Variants in PDCD7 observed in about 807,000 individuals in gnomAD.
The protein encoded by PDCD7 is programmed cell death protein 7.
Under a neutral mutation model 42.1 loss-of-function variants are expected in PDCD7, and 40 were observed. The ratio of observed to expected loss-of-function variants is 0.95; its 90% CI spans 0.74 to 1.24. The LOEUF (loss-of-function observed/expected upper bound fraction) is 1.24. PDCD7 is among the 50% of genes most tolerant of loss of function. The probability of loss-of-function intolerance (pLI) is 0.00; values close to 1 mark genes in which losing one functional copy is unlikely to be tolerated. For missense variants in PDCD7, 644 were observed against 662.8 expected (o/e 0.97, Z 0.31); for synonymous variants, 299 against 303.3 (o/e 0.99, Z 0.15).
chr15:65,125,721 T>C (rs1375691227), intron 2 of PDCD7, among the ~76,000 whole-genome samples: 1 of 152,214 alleles, frequency 6.6e-6, no homozygotes, highest in African/African-American at 2.4e-5. Context: ...GTACTATCAT[T>C]ACTCCCTTTT....
intron 1 of PDCD7, among the ~76,000 whole-genome samples, chr15:65,130,361 T>C (rs1461081466): frequency 6.6e-6 from 1 of 152,032 alleles, no homozygotes; most frequent in Non-Finnish European, 1.5e-5. Context: ...TTTCACCACG[T>C]TGGCCAGGCT....
chr15:65,133,351 C>G lies in PDCD7; in HGVS notation c.431G>C (p.Arg144Pro). The change falls in exon 1 of 5, where the codon CGG becomes CCG. Residue 144 changes from arginine to proline, a missense_variant. Transcript: ENST00000204549. ...CCCGAACACCGCCTCCAGCCACTGCCGGTCGCGCAGGCGTTGGAGGGCCGC... is the reference window on the plus strand; with the variant it reads ...CCCGAACACCGCCTCCAGCCACTGCGGGTCGCGCAGGCGTTGGAGGGCCGC... ...GDAALQRLRD[R>P]QWLEAVFGTP... 8.0e-7 allele frequency: 1 copy of G among 1,246,950 alleles called. No individual in the cohort carries two copies. The highest frequency in any genetic ancestry group is 1.0e-6 in the Non-Finnish European group (1 of 997,118). The allele number at this position is 1,246,950 out of a possible 1,614,324, so 77.2% of individuals were successfully genotyped here.
chr15:65,133,474 G>T lies in PDCD7; in HGVS notation c.308C>A (p.Ala103Asp), dbSNP rs183525259. The change falls in exon 1 of 5, where the codon GCC (alanine) becomes GAC (aspartate). Residue 103 changes from alanine (A) to aspartate (D), a missense_variant. By Grantham distance (126) the Ala-to-Asp change is moderately radical (BLOSUM62 -2). Transcript: ENST00000204549. ...AGGCGGTGGCCGCGGCCGCTCGCCGGCGTCGGTCCCCGGGAAGGGCCGACA... is the reference window on the plus strand; with the variant it reads ...AGGCGGTGGCCGCGGCCGCTCGCCGTCGTCGGTCCCCGGGAAGGGCCGACA... ...PQCRPFPGTD[A>D]GERPRPPPPG... is the part of the protein sequence containing the mutation. The T allele has an allele frequency of 7.6e-4, 929 of 1,218,042 alleles. 12 individuals carry two copies. In the African/African-American group the frequency reaches 0.013, roughly 17 times the overall value. The allele number at this position is 1,218,042 out of a possible 1,614,324, so 75.5% of individuals were successfully genotyped here.
chr15:65,123,269 C>A (rs934858874), intron 2 of PDCD7, among the ~76,000 whole-genome samples: 5 of 152,208 alleles, frequency 3.3e-5, no homozygotes, highest in Non-Finnish European at 7.3e-5. Flanking sequence ...CTCACTGTAA[C>A]CTCTGATTCC....
rs1280334443 is a variant in PDCD7 at position 65,133,035 on chromosome 15, A to G, written c.747T>C (p.Leu249=). The change falls in exon 1 of 5, where the codon CTT becomes CTC. Residue 249 remains leucine, a synonymous_variant. Coordinates refer to ENST00000204549, the MANE Select transcript of PDCD7 (RefSeq NM_005707.2). ...CCTCGCGTTCCCGGGCCCTCTCGCG[A>G]AGCCGCAGCCGGCGGCGCCGGACCC... The part of the protein sequence containing the change: ...LERVRRRRLR[L]RERAREREAE... 2 of 1,596,106 alleles carry G rather than the reference A, an allele frequency of 1.3e-6. No individual in the cohort carries two copies. The highest frequency in any genetic ancestry group is 4.5e-5 in the East Asian group (2 of 44,682).
chr15:65,129,573 G>A lies in PDCD7; in HGVS notation c.871-403C>T, dbSNP rs750912061. Among the ~76,000 whole-genome samples the A allele has an allele frequency of 3.1e-4, 47 of 152,208 alleles. 1 individual carries two copies. The highest frequency in any genetic ancestry group is 1.9e-4 in the East Asian group (1 of 5,200). ...TAAGGAATGTGGCTGGAAAGGCTGA[G>A]ACCTCTACAAAGGTCTCTTAGTGAC... On this transcript the variant is annotated intron_variant, in intron 1 of 4. Transcript: ENST00000204549.
Position 65,133,792 on chromosome 15 carries a change from G to C in PDCD7, c.-11C>G, listed in dbSNP as rs757933611. 2.4e-4 allele frequency: 320 copies of C among 1,361,156 alleles called. No individual in the cohort carries two copies. Among genetic ancestry groups the C allele is most frequent in the Non-Finnish European group, 2.9e-4 (307 of 1,055,954 alleles). 84.3% of individuals were successfully genotyped at this position (1,361,156 alleles called of 1,614,324 possible). ...TGGTGGCAGGGCCATGTTCACGACG[G>C]AGATGCTTTGAGAAGTGACAGGAAT... On this transcript the variant is annotated 5_prime_UTR_variant, in exon 1 of 5. Coordinates refer to ENST00000204549, the MANE Select transcript of PDCD7 (RefSeq NM_005707.2).
Position 65,124,101 on chromosome 15 carries a change from T to A in PDCD7, c.1010-4147A>T, listed in dbSNP as rs375275417. ...TCTCGGCCCCTCACTGATCACTCCC[T>A]GGTCAATGTAACATATTCCCTCAGA... is the stretch of plus-strand genomic sequence containing the variant. On this transcript the variant is annotated intron_variant, in intron 2 of 4. Coordinates refer to ENST00000204549, the MANE Select transcript of PDCD7 (RefSeq NM_005707.2). 1.7e-3 allele frequency among the ~76,000 whole-genome samples: 255 copies of A among 152,182 alleles called. 8 individuals carry two copies. In the South Asian group the frequency reaches 0.051, roughly 30 times the overall value.
intron 2 of PDCD7, 25 bp from the exon 3 acceptor site, chr15:65,119,979 T>C (rs373625024): frequency 2.5e-6 from 4 of 1,585,606 alleles, no homozygotes; most frequent in Non-Finnish European, 3.4e-6. Flanking sequence ...CAAAATGGCA[T>C]TTTATTTATT....
intron 2 of PDCD7, among the ~76,000 whole-genome samples, chr15:65,122,994 C>T (rs911774935): frequency 2.6e-4 from 39 of 150,420 alleles, no homozygotes; most frequent in African/African-American, 9.3e-4. Flanking sequence ...AAGAGTGAAA[C>T]TCTGTCTCAA....
At chr15:65,131,997 T>C (rs1343769151) in intron 1 of PDCD7, among the ~76,000 whole-genome samples, 2 of 151,674 alleles carry the variant, frequency 1.3e-5, no homozygotes, top group African/African-American at 4.8e-5. Flanking sequence ...CAAAATCTGG[T>C]ATATGTAATG....
intron 2 of PDCD7, among the ~76,000 whole-genome samples, chr15:65,123,212 G>A (rs144790456): frequency 6.1e-4 from 93 of 152,174 alleles, no homozygotes; most frequent in African/African-American, 2.2e-3. Flanking sequence ...GTTTTGAGAC[G>A]GAGTCTCGCT....
chr15:65,132,124 G>GTA (rs10570029), intron 1 of PDCD7, among the ~76,000 whole-genome samples: 1,754 of 140,930 alleles, frequency 0.012, 23 homozygotes, highest in African/African-American at 0.031. Context: ...GTATGTATGT[G>GTA]TATATATATA....
At chr15:65,120,544 T>C (rs2087445441) in intron 2 of PDCD7, among the ~76,000 whole-genome samples, 1 of 151,968 alleles carries the variant, frequency 6.6e-6, no homozygotes, top group Non-Finnish European at 1.5e-5. Context: ...CCGTCTCTAC[T>C]AAAAATACAA....
At chr15:65,131,964 T>C (rs1424727509) in intron 1 of PDCD7, among the ~76,000 whole-genome samples, 3 of 151,874 alleles carry the variant, frequency 2.0e-5, no homozygotes, top group Non-Finnish European at 4.4e-5. Flanking sequence ...TACTTCCTAC[T>C]TCTCAAGGCT....
At chr15:65,132,882 C>A in intron 1 of PDCD7, 30 bp downstream of exon 1, 1 of 1,600,064 alleles carries the variant, frequency 6.2e-7, no homozygotes, top group South Asian at 1.1e-5. Context: ...CACCACCACT[C>A]CTACCCCCAT....
At chr15:65,132,003 T>C (rs1046039549) in intron 1 of PDCD7, among the ~76,000 whole-genome samples, 2 of 151,698 alleles carry the variant, frequency 1.3e-5, no homozygotes, top group East Asian at 3.9e-4. Context: ...CTGGTATATG[T>C]AATGACCTTA....
chr15:65,132,582 G>C lies in PDCD7; in HGVS notation c.870+330C>G, dbSNP rs145190757. Among the ~76,000 whole-genome samples the C allele has an allele frequency of 5.7e-3, 872 of 152,272 alleles. 5 individuals carry two copies. The highest frequency in any genetic ancestry group is 0.014 in the Middle Eastern group (4 of 294). On this transcript the variant is annotated intron_variant, in intron 1 of 4. Coordinates refer to ENST00000204549, the MANE Select transcript of PDCD7 (RefSeq NM_005707.2). ...TGTATTCTTAAAACCACCTAGGGCA[G>C]TACAAGACACAAGGAACTAGACACT...
intron 4 of PDCD7, 174 bp downstream of exon 4, chr15:65,119,192 GGACTAAACAA>G: frequency 1.8e-6 from 1 of 546,272 alleles, no homozygotes; most frequent in Non-Finnish European, 3.3e-6. Flanking sequence ...GGACTAATGA[GGACTAAACAA>G]GATGTATGCA....
Sources: allele counts gnomAD v4.1 joint callset (sites outside exome capture counted in the v4.1 genomes callset), GRCh38; gene constraint gnomAD v4.1.1; transcripts MANE v1.5; gene names NCBI Gene and HGNC (gene_info 2026-07-23, HGNC 2026-07-21).